KALRN: variants seen among roughly 807,000 people sequenced by gnomAD.
The protein encoded by KALRN is kalirin RhoGEF kinase.
KALRN carries 70 observed loss-of-function variants against 353.7 expected under a neutral mutation model. The observed-to-expected ratio is 0.20, with a 90% confidence interval of 0.16 to 0.24. The LOEUF (loss-of-function observed/expected upper bound fraction) is 0.24, where lower values mean the gene tolerates loss of function less well. Ranked by LOEUF, KALRN falls within the 10% of genes least tolerant of loss-of-function variation. The probability of loss-of-function intolerance (pLI) is 1.00; values close to 1 mark genes in which losing one functional copy is unlikely to be tolerated. For synonymous variants in KALRN, 1,391 were observed against 1,434.8 expected, an observed-to-expected ratio of 0.97 and a Z score of 0.69; for missense variants, 2,791 against 3,756.7, an observed-to-expected ratio of 0.74 and a Z score of 6.72.
At chr3:124,145,789 T>C (rs75623873) in intron 1 of KALRN, among the ~76,000 whole-genome samples, 5,037 of 152,270 alleles carry the variant, frequency 0.033, 115 homozygotes, top group Middle Eastern at 0.058. Context: ...TCCTGTCTTC[T>C]CCCTCTGTGG....
intron 9 of KALRN, among the ~76,000 whole-genome samples, chr3:124,340,454 T>C (rs1337422880): frequency 6.6e-6 from 1 of 151,920 alleles, no homozygotes; most frequent in Non-Finnish European, 1.5e-5. Context: ...ACCCAGTAGG[T>C]GGAGGTTGCA....
intron 33 of KALRN, among the ~76,000 whole-genome samples, chr3:124,548,826 G>C (rs2070057725): frequency 6.6e-6 from 1 of 152,138 alleles, no homozygotes; most frequent in Admixed American, 6.5e-5. Flanking sequence ...GCTAATTTTT[G>C]TATTTTTAGC....
chr3:124,491,557 C>T (rs145622301), intron 31 of KALRN, 133 bp downstream of exon 31: 143 of 529,506 alleles, frequency 2.7e-4, no homozygotes, highest in African/African-American at 9.2e-4. Context: ...GGCAGCATCA[C>T]GTGGGCATTG....
At chr3:124,537,914 A>G (rs901501953) in intron 33 of KALRN, among the ~76,000 whole-genome samples, 1 of 152,206 alleles carries the variant, frequency 6.6e-6, no homozygotes. Context: ...TCTTCTGTTC[A>G]TGAGATGTTT....
chr3:124,290,762 A>G (rs1226394085), intron 5 of KALRN, among the ~76,000 whole-genome samples: 1 of 152,222 alleles, frequency 6.6e-6, no homozygotes, highest in African/African-American at 2.4e-5. Flanking sequence ...GTTAATATAT[A>G]TAAAGTGCTT....
chr3:124,358,412 G>T (rs924655363), intron 10 of KALRN, among the ~76,000 whole-genome samples: 1 of 152,046 alleles, frequency 6.6e-6, no homozygotes. Flanking sequence ...AAAACTCGCT[G>T]TTATTACAGA....
intron 14 of KALRN, among the ~76,000 whole-genome samples, chr3:124,415,050 G>C (rs1479428367): frequency 1.3e-5 from 2 of 152,236 alleles, no homozygotes; most frequent in Non-Finnish European, 2.9e-5. Flanking sequence ...AGCATAGTCT[G>C]TCCTTGAATT....
rs397990993 is a variant in KALRN, at chr3:124,294,520, C to CTTTTTTTTTTTTTTTTTTT, written c.970-4267_970-4249dup. Among the ~76,000 whole-genome samples the CTTTTTTTTTTTTTTTTTTT allele has an allele frequency of 2.7e-5, 2 of 73,898 alleles. 1 individual carries two copies. Among genetic ancestry groups the CTTTTTTTTTTTTTTTTTTT allele is most frequent in the Non-Finnish European group, 4.9e-5 (2 of 40,840 alleles). The allele number at this position is 73,898 out of a possible 152,430, so 48.5% of individuals were successfully genotyped here. On this transcript the variant is annotated intron_variant, in intron 5 of 59. Transcript: ENST00000682506. ...GGGCTGAGACTAAGAAGATTCTCTT[C>CTTTTTTTTTTTTTTTTTTT]TTTTTTTTTTTTTTTTTTTTTTGAG... is the stretch of plus-strand genomic sequence containing the variant.
intron 33 of KALRN, among the ~76,000 whole-genome samples, chr3:124,514,374 T>G (rs2066302725): frequency 6.6e-6 from 1 of 152,086 alleles, no homozygotes; most frequent in African/African-American, 2.4e-5. Context: ...CCCGATCTAA[T>G]GGAAGAGATA....
chr3:124,411,155 A>G (rs982452713), intron 13 of KALRN, among the ~76,000 whole-genome samples: 2 of 152,078 alleles, frequency 1.3e-5, no homozygotes, highest in African/African-American at 4.8e-5. Context: ...AACTACATCT[A>G]TGATGATAGA....
intron 1 of KALRN, among the ~76,000 whole-genome samples, chr3:124,037,465 G>C (rs190444901): frequency 8.5e-5 from 13 of 152,286 alleles, no homozygotes; most frequent in Non-Finnish European, 1.9e-4. Context: ...AATAGGGAGA[G>C]TCTTGAAAGC....
At chr3:124,576,887 C>T (rs1026466659) in intron 34 of KALRN, among the ~76,000 whole-genome samples, 1 of 152,182 alleles carries the variant, frequency 6.6e-6, no homozygotes, top group African/African-American at 2.4e-5. Context: ...TACTGCCCTA[C>T]TTTGGGAACA....
At chr3:124,678,047 A>G in intron 49 of KALRN, 143 bp from the exon 50 acceptor site, 1 of 801,906 alleles carries the variant, frequency 1.2e-6, no homozygotes, top group Non-Finnish European at 2.1e-6. Context: ...CCACCCTTGG[A>G]GCTGGTGTGC....
At chr3:124,702,275 C>G (rs2062377985) in intron 57 of KALRN, among the ~76,000 whole-genome samples, 159 bp downstream of exon 57, 1 of 152,114 alleles carries the variant, frequency 6.6e-6, no homozygotes, top group African/African-American at 2.4e-5. Flanking sequence ...TTCTACTGTT[C>G]TTTTTCTAAC....
intron 34 of KALRN, among the ~76,000 whole-genome samples, chr3:124,611,640 C>A (rs1339152815): frequency 1.3e-5 from 2 of 152,200 alleles, no homozygotes; most frequent in Admixed American, 6.5e-5. Flanking sequence ...TATTGCATCA[C>A]CTATGTCACA....
In KALRN at chr3:124,437,689, C is replaced by CAAAAAAAAAAA. The variant is rs397876079; in HGVS notation, c.3049-1183_3049-1173dup. ...TGGGTGAAAAAGCTAGATTCCGTCTCAAAAAAAAAAAAAAAAAAAAAAAAA... is the reference window on the plus strand; with the variant it reads ...TGGGTGAAAAAGCTAGATTCCGTCTCAAAAAAAAAAAAAAAAAAAAAAAAAAAAAAAAAAAA... On this transcript the variant is annotated intron_variant, in intron 17 of 59. Coordinates refer to ENST00000682506, the MANE Select transcript of KALRN (RefSeq NM_001388419.1). Among the ~76,000 whole-genome samples the CAAAAAAAAAAA allele has an allele frequency of 8.3e-5, 4 of 48,332 alleles. No homozygotes were observed. In the East Asian group the frequency reaches 2.1e-3, roughly 25 times the overall value. The allele number at this position is 48,332 out of a possible 152,430, so 31.7% of individuals were successfully genotyped here.
chr3:124,040,075 C>G (rs987063418), intron 1 of KALRN, among the ~76,000 whole-genome samples: 3 of 152,192 alleles, frequency 2.0e-5, no homozygotes, highest in Non-Finnish European at 2.9e-5. Context: ...TTTGCTTCAT[C>G]CTTGTGCCAC....
chr3:124,446,131 GTGA>G, intron 19 of KALRN, 27 bp from the exon 20 acceptor site: 1 of 1,512,296 alleles, frequency 6.6e-7, no homozygotes, highest in Non-Finnish European at 9.2e-7. Flanking sequence ...AGAGCCCCTT[GTGA>G]CCATCATGCA....
At position 124,280,791 on chromosome 3, in the gene KALRN, G is replaced by A. The variant is rs2075270225; in HGVS notation, c.969+11536G>A. ...ATGTGAGCACAGAGAGATTTTTCCA[G>A]TATGAAAATGTTGAGTTAAAGTGTT... On this transcript the variant is annotated intron_variant, in intron 5 of 59. Transcript: ENST00000682506. Among the ~76,000 whole-genome samples the A allele has an allele frequency of 2.0e-5, 3 of 152,162 alleles. No individual in the cohort carries two copies. The South Asian group carries it at 6.2e-4, about 32-fold the overall frequency.
Sources: allele counts gnomAD v4.1 joint callset (sites outside exome capture counted in the v4.1 genomes callset), GRCh38; gene constraint gnomAD v4.1.1; transcripts MANE v1.5; gene names NCBI Gene and HGNC (gene_info 2026-07-23, HGNC 2026-07-21).